Variants in PRKG2 observed in about 807,000 individuals in gnomAD.
The protein encoded by PRKG2 is cGMP-dependent protein kinase 2.
In PRKG2, 33 loss-of-function variants were observed where a neutral mutation model predicts 97.2. That is an observed-to-expected ratio of 0.34 (90% CI 0.26 to 0.45). PRKG2 has a LOEUF of 0.45. Ranked by LOEUF, PRKG2 falls within the 20% of genes least tolerant of loss-of-function variation. PRKG2 has a pLI of 1.00. For synonymous variants in PRKG2, 330 were observed against 321.8 expected, an observed-to-expected ratio of 1.03 and a Z score of -0.27; for missense variants, 638 against 900.0, an observed-to-expected ratio of 0.71 and a Z score of 3.73.
chr4:81,164,755 A>G (rs1749844072), intron 6 of PRKG2, among the ~76,000 whole-genome samples: 1 of 152,142 alleles, frequency 6.6e-6, no homozygotes, highest in Non-Finnish European at 1.5e-5. Context: ...GGTGCTCCAC[A>G]CTACACCCTC....
intron 6 of PRKG2, among the ~76,000 whole-genome samples, chr4:81,154,524 G>GACCT (rs1553925246): frequency 1.4e-5 from 2 of 141,382 alleles, no homozygotes; most frequent in African/African-American, 6.1e-5. Context: ...CACCTCACAC[G>GACCT]GCAGGGTACT....
chr4:81,088,865 T>C lies in PRKG2; in HGVS notation c.*843A>G, dbSNP rs530046096. 13 of 152,336 alleles carry C rather than the reference T, an allele frequency of 8.5e-5. No individual in the cohort carries two copies. The East Asian group carries it at 2.3e-3, about 27-fold the overall frequency. The allele number at this position is 152,336 out of a possible 1,614,324, so 9.4% of individuals were successfully genotyped here. ...TACTAGAATATATTTTCCTTTCTAT[T>C]TACTGGGAGGCAAAAGCCTTCGCAA... On this transcript the variant is annotated 3_prime_UTR_variant, in exon 19 of 19. Transcript: ENST00000264399.
At chr4:81,156,429 G>C (rs1034898337) in intron 6 of PRKG2, among the ~76,000 whole-genome samples, 2 of 152,092 alleles carry the variant, frequency 1.3e-5, no homozygotes, top group Non-Finnish European at 2.9e-5. Flanking sequence ...GATTCATAAA[G>C]CAAGTCCTGA....
intron 3 of PRKG2, 105 bp from the exon 4 acceptor site, chr4:81,171,909 G>A: frequency 1.4e-6 from 1 of 721,056 alleles, no homozygotes; most frequent in Non-Finnish European, 2.2e-6. Context: ...AAGTATACAG[G>A]TAAGATATTT....
At chr4:81,101,851 T>A (rs1454946916) in intron 17 of PRKG2, among the ~76,000 whole-genome samples, 1 of 152,140 alleles carries the variant, frequency 6.6e-6, no homozygotes, top group Non-Finnish European at 1.5e-5. Flanking sequence ...AAAGAAGCTT[T>A]TTTGTTTGTT....
intron 2 of PRKG2, among the ~76,000 whole-genome samples, chr4:81,176,946 A>G (rs1319808254): frequency 1.3e-5 from 2 of 152,152 alleles, no homozygotes; most frequent in Non-Finnish European, 2.9e-5. Flanking sequence ...ACATGGCTCC[A>G]ATCTATCCAT....
chr4:81,095,488 G>A (rs146043574), intron 17 of PRKG2, among the ~76,000 whole-genome samples: 2 of 152,266 alleles, frequency 1.3e-5, no homozygotes, highest in East Asian at 3.9e-4. Flanking sequence ...ACCCCGAGGT[G>A]CCTCATAAAT....
intron 11 of PRKG2, among the ~76,000 whole-genome samples, 193 bp from the exon 12 acceptor site, chr4:81,140,862 T>C (rs1448089507): frequency 6.6e-6 from 1 of 152,186 alleles, no homozygotes; most frequent in East Asian, 1.9e-4. Context: ...CTATCTGGGA[T>C]GTGGCTCTAA....
At chr4:81,103,380 C>T (rs1743010848) in intron 17 of PRKG2, among the ~76,000 whole-genome samples, 2 of 150,896 alleles carry the variant, frequency 1.3e-5, no homozygotes, top group Admixed American at 1.3e-4. Flanking sequence ...TAAAAATTCA[C>T]AGAACTGAAA....
chr4:81,132,107 A>T lies in PRKG2; in HGVS notation c.1776+3048T>A, dbSNP rs1360947568. On this transcript the variant is annotated intron_variant, in intron 14 of 18. Transcript: ENST00000264399. Reference sequence around the variant, plus strand: ...TTTCAGTGATATTTTGTGGGTTTTAATGTAAAGGTCTCATACTTTTTACAT... The same window carrying T: ...TTTCAGTGATATTTTGTGGGTTTTATTGTAAAGGTCTCATACTTTTTACAT... Among the ~76,000 whole-genome samples, 3 of 152,042 alleles carry T rather than the reference A, an allele frequency of 2.0e-5. No individual in the cohort carries two copies. The East Asian group carries it at 5.8e-4, about 29-fold the overall frequency.
chr4:81,185,794 G>A (rs529992440), intron 2 of PRKG2, among the ~76,000 whole-genome samples: 2 of 152,166 alleles, frequency 1.3e-5, no homozygotes, highest in South Asian at 4.2e-4. Context: ...CAAGCAAATG[G>A]AAAGCAACAA....
intron 4 of PRKG2, 48 bp from the exon 5 acceptor site, chr4:81,169,816 A>G: frequency 8.6e-7 from 1 of 1,166,924 alleles, no homozygotes. Flanking sequence ...CAACATTGTG[A>G]AAACATTCCA....
intron 14 of PRKG2, among the ~76,000 whole-genome samples, chr4:81,132,566 G>A (rs546240762): frequency 5.9e-5 from 9 of 152,198 alleles, no homozygotes; most frequent in African/African-American, 2.2e-4. Flanking sequence ...GTGAACAGCT[G>A]TATTACAGCT....
At chr4:81,104,079 T>C (rs1286254779) in intron 17 of PRKG2, among the ~76,000 whole-genome samples, 2 of 151,892 alleles carry the variant, frequency 1.3e-5, no homozygotes. Flanking sequence ...TAAAGAATAA[T>C]AAAGACAGAA....
intron 14 of PRKG2, among the ~76,000 whole-genome samples, chr4:81,128,189 T>C (rs1273993859): frequency 1.3e-5 from 2 of 152,206 alleles, no homozygotes; most frequent in Non-Finnish European, 1.5e-5. Context: ...GCTGACTTGA[T>C]CGTGGTGGAT....
chr4:81,138,891 G>A (rs1387424208), intron 12 of PRKG2, among the ~76,000 whole-genome samples: 1 of 152,138 alleles, frequency 6.6e-6, no homozygotes, highest in Non-Finnish European at 1.5e-5. Flanking sequence ...TGCCAGCACT[G>A]CCTGGGTTCA....
At chr4:81,092,276 A>G in intron 18 of PRKG2, 110 bp downstream of exon 18, 2 of 621,202 alleles carry the variant, frequency 3.2e-6, no homozygotes, top group Non-Finnish European at 5.2e-6. Flanking sequence ...CTGCTTTAAA[A>G]AAAAACACCC....
intron 2 of PRKG2, among the ~76,000 whole-genome samples, chr4:81,185,958 C>A (rs189316367): frequency 6.6e-6 from 1 of 152,140 alleles, no homozygotes; most frequent in African/African-American, 2.4e-5. Flanking sequence ...TAAAGGAGCA[C>A]GCAGATCAAT....
intron 14 of PRKG2, among the ~76,000 whole-genome samples, chr4:81,123,360 A>G (rs944194251): frequency 2.0e-5 from 3 of 152,136 alleles, no homozygotes; most frequent in Non-Finnish European, 4.4e-5. Context: ...GCATCCTCAT[A>G]TTTTAAGCAT....
Sources: allele counts gnomAD v4.1 joint callset (sites outside exome capture counted in the v4.1 genomes callset), GRCh38; gene constraint gnomAD v4.1.1; transcripts MANE v1.5; gene names NCBI Gene and HGNC (gene_info 2026-07-23, HGNC 2026-07-21).